Variants in EYS observed in about 807,000 individuals in gnomAD.
The protein encoded by EYS is protein eyes shut homolog.
A neutral mutation model predicts 282.1 loss-of-function variants in EYS; 250 were observed. The observed-to-expected ratio is 0.89, with a 90% CI of 0.80 to 0.98. EYS has a LOEUF of 0.98. Ranked by LOEUF, EYS falls within the 50% of genes least tolerant of loss-of-function variation. The pLI is 0.00. For missense variants in EYS, 4,016 were observed against 3,709.0 expected (o/e 1.08, Z -2.15); for synonymous variants, 1,355 against 1,282.9 (o/e 1.06, Z -1.20).
At chr6:64,228,506 A>C (rs1320650348) in intron 31 of EYS, among the ~76,000 whole-genome samples, 1 of 152,176 alleles carries the variant, frequency 6.6e-6, no homozygotes, top group Non-Finnish European at 1.5e-5. Flanking sequence ...ATTATTGATA[A>C]AAATATTAGT....
chr6:64,374,091 C>T (rs541260974), intron 29 of EYS, among the ~76,000 whole-genome samples: 40 of 149,706 alleles, frequency 2.7e-4, no homozygotes, highest in African/African-American at 8.1e-4. Context: ...CTACTAGTGG[C>T]GGGGCAGGTA....
chr6:65,637,042 G>A (rs992430907), intron 2 of EYS, among the ~76,000 whole-genome samples: 3 of 152,070 alleles, frequency 2.0e-5, no homozygotes, highest in Admixed American at 1.3e-4. Context: ...TGGTCTTTAA[G>A]TCCTGGGCTT....
chr6:65,172,961 G>A (rs1765139818), intron 12 of EYS, among the ~76,000 whole-genome samples: 1 of 145,696 alleles, frequency 6.9e-6, no homozygotes, highest in Non-Finnish European at 1.5e-5. Flanking sequence ...AAAGCAATAT[G>A]AGCCCTAAAG....
intron 14 of EYS, among the ~76,000 whole-genome samples, chr6:64,973,523 A>C (rs572495463): frequency 6.6e-6 from 1 of 152,108 alleles, no homozygotes. Flanking sequence ...TCTCTCTCTA[A>C]GAGTCCCAAA....
chr6:65,103,018 T>C (rs896664642), intron 12 of EYS, among the ~76,000 whole-genome samples: 5 of 151,438 alleles, frequency 3.3e-5, no homozygotes, highest in Admixed American at 6.6e-5. Flanking sequence ...TTTTAACATA[T>C]GGCAGTAGTT....
intron 31 of EYS, among the ~76,000 whole-genome samples, chr6:64,210,483 C>T (rs1028661762): frequency 3.9e-5 from 6 of 152,012 alleles, no homozygotes; most frequent in African/African-American, 1.5e-4. Flanking sequence ...GGACTATAGT[C>T]AGATTGAATT....
intron 31 of EYS, among the ~76,000 whole-genome samples, chr6:64,107,923 G>A (rs1010142637): frequency 2.0e-5 from 3 of 152,040 alleles, no homozygotes; most frequent in Non-Finnish European, 4.4e-5. Context: ...TCTTAGGTGG[G>A]AAAGGATAGT....
At chr6:63,908,399 A>C (rs1010037306) in intron 35 of EYS, among the ~76,000 whole-genome samples, 1 of 152,112 alleles carries the variant, frequency 6.6e-6, no homozygotes, top group African/African-American at 2.4e-5. Flanking sequence ...AAACAGTATA[A>C]AGATTTCTCA....
rs556561875 is a variant in EYS, at chr6:65,586,479, T to C, written c.-333+53299A>G. Among the ~76,000 whole-genome samples, 121 of 152,226 alleles carry C rather than the reference T, an allele frequency of 7.9e-4. 2 individuals are homozygous for C. The highest frequency in any genetic ancestry group is 2.6e-3 in the African/African-American group (109 of 41,556). ...CCATTGTGGAATTAGGACAGCACTT[T>C]TAAATGTAGAACATACCTGCATTTG... On this transcript the variant is annotated intron_variant, in intron 2 of 42. Coordinates refer to ENST00000503581, the MANE Select transcript of EYS (RefSeq NM_001142800.2).
chr6:64,221,711 G>C (rs1159886677), intron 31 of EYS, among the ~76,000 whole-genome samples: 1 of 152,046 alleles, frequency 6.6e-6, no homozygotes, highest in South Asian at 2.1e-4. Flanking sequence ...ACACCTTTCT[G>C]AGTACCGTGA....
intron 12 of EYS, among the ~76,000 whole-genome samples, chr6:65,184,120 G>A (rs1765458650): frequency 6.6e-6 from 1 of 151,332 alleles, no homozygotes; most frequent in Non-Finnish European, 1.5e-5. Flanking sequence ...AATTGATAAA[G>A]TAAAGTCGCA....
chr6:64,620,731 A>T (rs1767420362), intron 23 of EYS, among the ~76,000 whole-genome samples: 1 of 152,204 alleles, frequency 6.6e-6, no homozygotes, highest in Non-Finnish European at 1.5e-5. Flanking sequence ...CAGAAATGAA[A>T]TATATTTTCT....
At chr6:63,884,716 A>G (rs780781414) in intron 35 of EYS, among the ~76,000 whole-genome samples, 3 of 151,772 alleles carry the variant, frequency 2.0e-5, no homozygotes, top group Non-Finnish European at 4.4e-5. Context: ...TTGGTTGTTA[A>G]GGAATACCTT....
chr6:65,648,844 C>G (rs1461783040), intron 1 of EYS, among the ~76,000 whole-genome samples: 1 of 152,028 alleles, frequency 6.6e-6, no homozygotes, highest in East Asian at 1.9e-4. Flanking sequence ...AGAAAGGGAA[C>G]AAAAGATTTT....
intron 30 of EYS, among the ~76,000 whole-genome samples, chr6:64,263,726 T>C (rs1767662929): frequency 6.6e-6 from 1 of 152,114 alleles, no homozygotes; most frequent in Admixed American, 6.6e-5. Context: ...GAAACCCATA[T>C]GGATGTATAG....
intron 31 of EYS, among the ~76,000 whole-genome samples, chr6:64,181,608 G>T (rs1764789549): frequency 6.6e-6 from 1 of 151,982 alleles, no homozygotes; most frequent in Non-Finnish European, 1.5e-5. Flanking sequence ...TTTTCACAGG[G>T]CCTTAGGAGA....
At chr6:64,821,753 A>T in intron 20 of EYS, 30 bp from the exon 21 acceptor site, 2 of 1,239,838 alleles carry the variant, frequency 1.6e-6, no homozygotes, top group East Asian at 5.1e-5. Context: ...TTACATTTTC[A>T]AATAAGTAGA....
intron 34 of EYS, among the ~76,000 whole-genome samples, chr6:63,987,526 T>C (rs1767424395): frequency 6.6e-6 from 1 of 151,692 alleles, no homozygotes; most frequent in Non-Finnish European, 1.5e-5. Context: ...AATGCAGACC[T>C]TCTCTGTAAG....
chr6:63,896,534 T>A (rs958202089), intron 35 of EYS, among the ~76,000 whole-genome samples: 5 of 152,206 alleles, frequency 3.3e-5, no homozygotes, highest in African/African-American at 4.8e-5. Context: ...GTACATGGGT[T>A]ACAATTGATG....
Sources: allele counts gnomAD v4.1 joint callset (sites outside exome capture counted in the v4.1 genomes callset), GRCh38; gene constraint gnomAD v4.1.1; transcripts MANE v1.5; gene names NCBI Gene and HGNC (gene_info 2026-07-23, HGNC 2026-07-21).